GLCCI1: variants seen among roughly 807,000 people sequenced by gnomAD.
GLCCI1 encodes glucocorticoid induced 1, also known as glucocorticoid-induced transcript 1 protein.
GLCCI1 carries 24 observed loss-of-function variants against 52.2 expected under a neutral mutation model. The observed-to-expected ratio is 0.46, with a 90% CI of 0.33 to 0.65. The LOEUF is 0.65. GLCCI1 is among the 30% of genes least tolerant of loss of function. GLCCI1 has a pLI of 0.02. For missense variants in GLCCI1, 704 were observed against 701.5 expected, an observed-to-expected ratio of 1.00 and a Z score of -0.04; for synonymous variants, 310 against 276.5, an observed-to-expected ratio of 1.12 and a Z score of -1.20.
intron 3 of GLCCI1, among the ~76,000 whole-genome samples, chr7:8,035,808 A>G (rs901427998): frequency 6.6e-6 from 1 of 152,158 alleles, no homozygotes; most frequent in Non-Finnish European, 1.5e-5. Context: ...CTGCCTAGGT[A>G]TGGAGCTGAG....
Position 8,061,101 on chromosome 7 carries a change from C to CTTT in GLCCI1, c.966+867_966+869dup, listed in dbSNP as rs1183119492. ...AAGCATCTTTTCATGTGCTAGTGATCTTTTTTTTTTTTTTTTGAGGTGGAG... is the reference window on the plus strand; with the variant it reads ...AAGCATCTTTTCATGTGCTAGTGATCTTTTTTTTTTTTTTTTTTTGAGGTGGAG... On this transcript the variant is annotated intron_variant, in intron 5 of 7. Transcript: ENST00000223145. Among the ~76,000 whole-genome samples, 9 of 138,908 alleles carry CTTT rather than the reference C, an allele frequency of 6.5e-5. 1 individual carries two copies. Among genetic ancestry groups the CTTT allele is most frequent in the Admixed American group, 7.2e-5 (1 of 13,808 alleles). The allele number at this position is 138,908 out of a possible 152,430, so 91.1% of individuals were successfully genotyped here. A position where few individuals can be genotyped will look rare whatever the true frequency, so the allele number is the denominator to read the frequency against.
At chr7:8,053,015 T>TATTC (rs1782294323) in intron 3 of GLCCI1, among the ~76,000 whole-genome samples, 1 of 150,046 alleles carries the variant, frequency 6.7e-6, no homozygotes, top group Non-Finnish European at 1.5e-5. Context: ...ATTATTTATT[T>TATTC]ATTTATTTAT....
rs138532017 is a variant in GLCCI1, at chr7:8,017,639, A to G, written c.610-4844A>G. 6.2e-3 allele frequency among the ~76,000 whole-genome samples: 950 copies of G among 152,304 alleles called. 6 individuals are homozygous for G. The highest frequency in any genetic ancestry group is 0.011 in the Admixed American group (171 of 15,296). ...AAACTTAGCATAGAGTTGGAGCTTG[A>G]TAAAAAATTTGAATATGTAAGTGCT... On this transcript the variant is annotated intron_variant, in intron 2 of 7. Transcript: ENST00000223145.
chr7:8,018,476 C>G (rs921957142), intron 2 of GLCCI1, among the ~76,000 whole-genome samples: 1 of 152,128 alleles, frequency 6.6e-6, no homozygotes, highest in African/African-American at 2.4e-5. Context: ...AATAATTTTT[C>G]TAATGGTATT....
chr7:7,998,309 C>T (rs927160679), intron 1 of GLCCI1, among the ~76,000 whole-genome samples: 5 of 151,882 alleles, frequency 3.3e-5, no homozygotes, highest in East Asian at 3.9e-4. Flanking sequence ...CTCCGCCTTT[C>T]GGGTCAAGCA....
intron 5 of GLCCI1, among the ~76,000 whole-genome samples, chr7:8,061,965 C>T (rs1252128729): frequency 6.6e-6 from 1 of 152,052 alleles, no homozygotes; most frequent in Non-Finnish European, 1.5e-5. Flanking sequence ...CTGCGCCCAG[C>T]CCATTAAAGT....
intron 3 of GLCCI1, among the ~76,000 whole-genome samples, chr7:8,049,533 A>G (rs1430956170): frequency 2.6e-5 from 4 of 152,192 alleles, no homozygotes; most frequent in Non-Finnish European, 5.9e-5. Flanking sequence ...ATTATCTTTT[A>G]AAAACCAGAC....
intron 3 of GLCCI1, among the ~76,000 whole-genome samples, chr7:8,043,485 G>T (rs1782048819): frequency 6.6e-6 from 1 of 152,134 alleles, no homozygotes; most frequent in Non-Finnish European, 1.5e-5. Flanking sequence ...AAGACTACAT[G>T]TTATATGATT....
intron 1 of GLCCI1, among the ~76,000 whole-genome samples, chr7:7,986,724 G>A (rs904489498): frequency 1.3e-5 from 2 of 152,162 alleles, no homozygotes; most frequent in African/African-American, 4.8e-5. Flanking sequence ...TCAGAGACTT[G>A]GTACAGAAAT....
At chr7:7,976,479 CAAAAA>C (rs35255634) in intron 1 of GLCCI1, among the ~76,000 whole-genome samples, 12 of 24,696 alleles carry the variant, frequency 4.9e-4, no homozygotes, top group African/African-American at 2.2e-3. Flanking sequence ...AACTCCATCT[CAAAAA>C]AAAAAAAAAA....
rs113532051 is a variant in GLCCI1, at chr7:8,013,861, A to C, written c.610-8622A>C. ...TAATTTTCTTTGGTTTTTCGGCTGT[A>C]CGATCATCCAAATAGTAATTCTACA... On this transcript the variant is annotated intron_variant, in intron 2 of 7. Coordinates refer to ENST00000223145, the MANE Select transcript of GLCCI1 (RefSeq NM_138426.4). 2.6e-4 allele frequency among the ~76,000 whole-genome samples: 39 copies of C among 152,202 alleles called. 1 individual carries two copies. The highest frequency in any genetic ancestry group is 5.8e-4 in the African/African-American group (24 of 41,524).
At chr7:8,043,772 A>G (rs1229895981) in intron 3 of GLCCI1, among the ~76,000 whole-genome samples, 3 of 152,212 alleles carry the variant, frequency 2.0e-5, no homozygotes, top group Non-Finnish European at 4.4e-5. Flanking sequence ...ATAAAAGACT[A>G]ATGTGATTTT....
At chr7:8,013,912 A>G (rs1363273290) in intron 2 of GLCCI1, among the ~76,000 whole-genome samples, 1 of 150,886 alleles carries the variant, frequency 6.6e-6, no homozygotes, top group African/African-American at 2.4e-5. Context: ...ATTTCTTGGT[A>G]TGTGTCCTCT....
intron 5 of GLCCI1, among the ~76,000 whole-genome samples, chr7:8,060,711 T>C (rs752266837): frequency 6.6e-6 from 1 of 152,248 alleles, no homozygotes; most frequent in Non-Finnish European, 1.5e-5. Context: ...ATTTTATTTA[T>C]TCAGTCATCA....
chr7:7,969,327 G>C lies in GLCCI1; in HGVS notation c.-24G>C. On this transcript the variant is annotated 5_prime_UTR_variant, in exon 1 of 8. Transcript: ENST00000223145. This position sits in a 1 kb window ranked among gnomAD's most constrained non-coding sequence, Gnocchi z 4.9. The stretch of plus-strand genomic sequence containing the variant: ...CCCCGCGCCTCCGTGTCGGCCGGCG[G>C]CGTCCAGGGCCCGCAGAGCCACCAT... 1 of 1,436,628 alleles carries C rather than the reference G, an allele frequency of 7.0e-7. No homozygotes were observed. Among genetic ancestry groups the C allele is most frequent in the South Asian group, 1.3e-5 (1 of 76,752 alleles). 89.0% of individuals were successfully genotyped at this position (1,436,628 alleles called of 1,614,324 possible).
intron 3 of GLCCI1, among the ~76,000 whole-genome samples, chr7:8,030,941 A>T (rs1362171881): frequency 1.3e-5 from 2 of 152,086 alleles, no homozygotes; most frequent in Admixed American, 1.3e-4. Flanking sequence ...GTTGATGGGG[A>T]TGTAAATTAG....
intron 3 of GLCCI1, among the ~76,000 whole-genome samples, chr7:8,029,457 A>G (rs188486602): frequency 6.6e-6 from 1 of 152,328 alleles, no homozygotes; most frequent in Admixed American, 6.5e-5. Context: ...TCAACATAAT[A>G]AAAGCTATAT....
At chr7:8,021,174 A>G (rs1327752281) in intron 2 of GLCCI1, among the ~76,000 whole-genome samples, 1 of 152,218 alleles carries the variant, frequency 6.6e-6, no homozygotes, top group African/African-American at 2.4e-5. Context: ...GTTTTCCACA[A>G]GCATTTTGAA....
intron 2 of GLCCI1, among the ~76,000 whole-genome samples, chr7:8,008,423 A>G (rs1243007279): frequency 6.6e-6 from 1 of 151,782 alleles, no homozygotes; most frequent in Non-Finnish European, 1.5e-5. Flanking sequence ...GTAGCTGGGA[A>G]TTAGCTGGGA....
Sources: allele counts gnomAD v4.1 joint callset (sites outside exome capture counted in the v4.1 genomes callset), GRCh38; gene constraint gnomAD v4.1.1; non-coding constraint Gnocchi (gnomAD v3.1); transcripts MANE v1.5; gene names NCBI Gene and HGNC (gene_info 2026-07-23, HGNC 2026-07-21).